ARHGAP30: variants seen among roughly 807,000 people sequenced by gnomAD.
ARHGAP30 encodes the protein rho GTPase-activating protein 30.
A neutral mutation model predicts 72.0 loss-of-function variants in ARHGAP30; 23 were observed. The ratio of observed to expected loss-of-function variants is 0.32; its 90% CI spans 0.23 to 0.45. The LOEUF (loss-of-function observed/expected upper bound fraction) is 0.45, where lower values mean the gene tolerates loss of function less well. Among genes scored for constraint, ARHGAP30 ranks in the 20% least tolerant of loss-of-function variants. The probability of loss-of-function intolerance (pLI) is 1.00; values close to 1 mark genes in which losing one functional copy is unlikely to be tolerated. For missense variants in ARHGAP30, 1,319 were observed against 1,383.4 expected (o/e 0.95, Z 0.74); for synonymous variants, 576 against 528.2 (o/e 1.09, Z -1.24).
Position 161,049,638 on chromosome 1 carries a change from G to A in ARHGAP30, c.1472C>T (p.Pro491Leu). The change falls in exon 11 of 12, where the codon CCA becomes CTA. Residue 491 changes from proline to leucine, a missense_variant. Pro to Leu is a moderately conservative substitution (Grantham distance 98). Transcript: ENST00000368013. ...CTCCAGGGCAGGAGCCAAGTCGTCTGGGCCTGAGTCTGCCAGGGGACTTGA... is the reference window on the plus strand; with the variant it reads ...CTCCAGGGCAGGAGCCAAGTCGTCTAGGCCTGAGTCTGCCAGGGGACTTGA... ...PASSPLADSG[P>L]DDLAPALEDS... The A allele has an allele frequency of 6.2e-7, 1 of 1,614,034 alleles. No homozygotes were observed. Among genetic ancestry groups the A allele is most frequent in the South Asian group, 1.1e-5 (1 of 91,086 alleles).
intron 1 of ARHGAP30, among the ~76,000 whole-genome samples, chr1:161,063,557 A>T (rs1652474623): frequency 6.6e-6 from 1 of 152,252 alleles, no homozygotes; most frequent in Non-Finnish European, 1.5e-5. Flanking sequence ...TTAACTACAC[A>T]AATTGTACAG....
chr1:161,059,677 T>C lies in ARHGAP30; in HGVS notation c.137A>G (p.Glu46Gly), dbSNP rs1557930530. 6.2e-7 allele frequency: 1 copy of C among 1,613,630 alleles called. No homozygotes were observed. Among genetic ancestry groups the C allele is most frequent in the East Asian group, 2.2e-5 (1 of 44,874 alleles). The change falls in exon 2 of 12, where the codon GAG (glutamate) becomes GGG (glycine). Residue 46 changes from glutamate (E) to glycine (G), a missense_variant. Glu to Gly is a moderately conservative substitution (Grantham distance 98). Around this residue, in one of 2 missense-constraint regions of ARHGAP30, gnomAD observed 222 missense variants for 338.2 expected, o/e 0.66. Transcript: ENST00000368013. ...GTAGATCCCATCCACCACTCCATAC[T>C]CCTCCACAAATTCTGCACAGCTCTT... The part of the protein sequence containing the change: ...VLKSCAEFVE[E>G]YGVVDGIYRL...
chr1:161,051,668 G>A lies in ARHGAP30; in HGVS notation c.1066C>T (p.Leu356=). 1 of 1,612,718 alleles carries A rather than the reference G, an allele frequency of 6.2e-7. No homozygotes were observed. Among genetic ancestry groups the A allele is most frequent in the Non-Finnish European group, 8.5e-7 (1 of 1,179,942 alleles). Residue 356 remains leucine (L), a synonymous_variant, in exon 10 of 12, where the codon CTG becomes TTG. Coordinates refer to ENST00000368013, the MANE Select transcript of ARHGAP30 (RefSeq NM_001025598.2). ...GPSSPRPSPL[L]PESLENDSIE... is the part of the protein sequence containing the mutation. The stretch of plus-strand genomic sequence containing the variant: ...GAATCGTTCTCCAAGCTCTCAGGCA[G>A]CAATGGGCTTGGCCGGGGGCTGCTG...
Position 161,060,468 on chromosome 1 carries a change from A to T in ARHGAP30, c.98-752T>A, listed in dbSNP as rs559105419. Among the ~76,000 whole-genome samples, 13 of 151,906 alleles carry T rather than the reference A, an allele frequency of 8.6e-5. No individual in the cohort carries two copies. The East Asian group carries it at 2.2e-3, about 25-fold the overall frequency. ...AAAAACTACCTGGGCATGGTGGCAC[A>T]TGCCTGTAATCCCAGCTACTTGGGA... On this transcript the variant is annotated intron_variant, in intron 1 of 11. Transcript: ENST00000368013.
rs780863777 is a variant in ARHGAP30, at chr1:161,056,591, G to T, written c.201-59C>A. On this transcript the variant is annotated intron_variant, in intron 2 of 11. Coordinates refer to ENST00000368013, the MANE Select transcript of ARHGAP30 (RefSeq NM_001025598.2). ...GGTTGGGGTGATGTGGGGAGAGGTGGGTCCCTATAGAGATGGGTCCCGGCA... is the reference window on the plus strand; with the variant it reads ...GGTTGGGGTGATGTGGGGAGAGGTGTGTCCCTATAGAGATGGGTCCCGGCA... 2.1e-5 allele frequency: 33 copies of T among 1,565,018 alleles called. No individual in the cohort carries two copies. The Middle Eastern group carries it at 5.8e-4, about 27-fold the overall frequency.
chr1:161,054,389 G>T lies in ARHGAP30; in HGVS notation c.513C>A (p.Ile171=). The T allele has an allele frequency of 6.2e-7, 1 of 1,613,920 alleles. No homozygotes were observed. The highest frequency in any genetic ancestry group is 1.6e-4 in the Middle Eastern group (1 of 6,062). The part of the protein sequence containing the change: ...QTNMHARNLA[I]VWAPNLLRSK... ...ACCTCAGCAGGTTGGGAGCCCACAC[G>T]ATGGCCAGGTTGCGAGCATGCATGT... Residue 171 remains isoleucine (I), a synonymous_variant, in exon 5 of 12, where the codon ATC becomes ATA. Transcript: ENST00000368013.
chr1:161,055,895 TAAA>T (rs370603133), intron 3 of ARHGAP30, among the ~76,000 whole-genome samples: 11 of 37,214 alleles, frequency 3.0e-4, no homozygotes, highest in African/African-American at 1.3e-3. Flanking sequence ...ATAAATAAAA[TAAA>T]ATAAAATAAA....
In ARHGAP30 at chr1:161,056,587, G is replaced by A; in HGVS notation, c.201-55C>T. On this transcript the variant is annotated intron_variant, in intron 2 of 11. Coordinates refer to ENST00000368013, the MANE Select transcript of ARHGAP30 (RefSeq NM_001025598.2). ...TAGGGGTTGGGGTGATGTGGGGAGA[G>A]GTGGGTCCCTATAGAGATGGGTCCC... The A allele has an allele frequency of 4.4e-6, 7 of 1,579,218 alleles. No homozygotes were observed. The South Asian group carries it at 6.8e-5, about 15-fold the overall frequency.
Position 161,054,573 on chromosome 1 carries a change from G to A in ARHGAP30, c.428+50C>T, listed in dbSNP as rs759233521. 1.3e-5 allele frequency: 21 copies of A among 1,605,106 alleles called. No individual in the cohort carries two copies. In the Admixed American group the frequency reaches 2.2e-4, roughly 17 times the overall value. ...GGACCCAGTTAAGGCTCCAGGCAGC[G>A]AGTGAATGAGTTGTCTCAGGTTGCT... On this transcript the variant is annotated intron_variant, in intron 4 of 11. Transcript: ENST00000368013.
chr1:161,062,213 C>A (rs1331844137), intron 1 of ARHGAP30, among the ~76,000 whole-genome samples: 1 of 152,166 alleles, frequency 6.6e-6, no homozygotes, highest in Non-Finnish European at 1.5e-5. Context: ...CTCTGCCCCA[C>A]TTTAATCCCC....
rs751396033 is a variant in ARHGAP30, at chr1:161,062,509, A to C, written c.98-2793T>G. On this transcript the variant is annotated intron_variant, in intron 1 of 11. Coordinates refer to ENST00000368013, the MANE Select transcript of ARHGAP30 (RefSeq NM_001025598.2). ...TTTGGTAGGCCGAGGTGGGCAGATC[A>C]CTTGAGGTTTAGAGTTTGAGACCAG... is the stretch of plus-strand genomic sequence containing the variant. Among the ~76,000 whole-genome samples, 2 of 152,144 alleles carry C rather than the reference A, an allele frequency of 1.3e-5. 1 individual carries two copies. The highest frequency in any genetic ancestry group is 3.9e-4 in the East Asian group (2 of 5,136).
intron 2 of ARHGAP30, among the ~76,000 whole-genome samples, chr1:161,059,146 A>T (rs993325477): frequency 6.6e-6 from 1 of 151,786 alleles, no homozygotes; most frequent in African/African-American, 2.4e-5. Flanking sequence ...CTCCTGCCTC[A>T]GCCTCCCAAG....
At chr1:161,054,762 C>T in intron 3 of ARHGAP30, 57 bp from the exon 4 acceptor site, 1 of 1,482,060 alleles carries the variant, frequency 6.7e-7, no homozygotes, top group Non-Finnish European at 9.4e-7. Flanking sequence ...CCCCTGCTTA[C>T]TCCCCAGAGC....
chr1:161,054,363 T>C lies in ARHGAP30; in HGVS notation c.536+3A>G. 1.2e-6 allele frequency: 2 copies of C among 1,612,968 alleles called. No homozygotes were observed. Among genetic ancestry groups the C allele is most frequent in the Non-Finnish European group, 1.7e-6 (2 of 1,179,414 alleles). ...CCCATACACTGCTCACACAGGCACCTACCTCAGCAGGTTGGGAGCCCACAC... is the reference window on the plus strand; with the variant it reads ...CCCATACACTGCTCACACAGGCACCCACCTCAGCAGGTTGGGAGCCCACAC... On this transcript the variant is annotated splice_donor_region_variant and intron_variant, in intron 5 of 11. Coordinates refer to ENST00000368013, the MANE Select transcript of ARHGAP30 (RefSeq NM_001025598.2).
At chr1:161,053,167 G>A (rs1651544888) in intron 6 of ARHGAP30, 91 bp downstream of exon 6, 3 of 1,553,604 alleles carry the variant, frequency 1.9e-6, no homozygotes, top group Non-Finnish European at 2.6e-6. Context: ...CCCTGTATGA[G>A]ACTCAGCTGA....
chr1:161,049,277 A>G lies in ARHGAP30; in HGVS notation c.1744T>C (p.Phe582Leu), dbSNP rs1651167532. 6.2e-7 allele frequency: 1 copy of G among 1,613,994 alleles called. No individual in the cohort carries two copies. The highest frequency in any genetic ancestry group is 1.3e-5 in the African/African-American group (1 of 74,978). The change falls in exon 12 of 12, where the codon TTT (phenylalanine) becomes CTT (leucine). Residue 582 changes from phenylalanine to leucine, a missense_variant. This residue lies in a region of ARHGAP30 where 1,097 missense variants were observed against 1,045.2 expected (regional missense o/e 1.05). Coordinates refer to ENST00000368013, the MANE Select transcript of ARHGAP30 (RefSeq NM_001025598.2). ...GAACAGCAGCTGGGGGCCAAGACAA[A>G]CTGTGCCTCATCCAGAGACAGGTCA... is the stretch of plus-strand genomic sequence containing the variant. ...LDDLSLDEAQFVLAPSCCSLD... is the reference protein window; with the variant it reads ...LDDLSLDEAQLVLAPSCCSLD...
rs1194874212 is a variant in ARHGAP30, at chr1:161,049,513, G to C, written c.1597C>G (p.Gln533Glu). The change falls in exon 11 of 12, where the codon CAG becomes GAG. Residue 533 changes from glutamine to glutamate, a missense_variant. Coordinates refer to ENST00000368013, the MANE Select transcript of ARHGAP30 (RefSeq NM_001025598.2). ...AAGGCTGCTCCTGCTGCTTCTGCCT[G>C]GGCCACCTCCCCATCCTCTGCCCCC... Reference protein sequence around the residue: ...WVGAEDGEVAQAEAAGAAFSP... With the variant: ...WVGAEDGEVAEAEAAGAAFSP... 13 of 1,614,066 alleles carry C rather than the reference G, an allele frequency of 8.1e-6. No homozygotes were observed. The highest frequency in any genetic ancestry group is 1.1e-5 in the Non-Finnish European group (13 of 1,180,012).
At position 161,048,584 on chromosome 1, in the gene ARHGAP30, C is replaced by T. The variant is rs751342626; in HGVS notation, c.2437G>A (p.Asp813Asn). ...REKGYHEARKDQGDGEDSRSP... is the reference protein window; with the variant it reads ...REKGYHEARKNQGDGEDSRSP... ...CTGCTGTCTTCACCATCTCCTTGGTCTTTTCTTGCTTCATGGTACCCCTTC... is the reference window on the plus strand; with the variant it reads ...CTGCTGTCTTCACCATCTCCTTGGTTTTTTCTTGCTTCATGGTACCCCTTC... The change falls in exon 12 of 12, where the codon GAC becomes AAC. Residue 813 changes from aspartate (D) to asparagine (N), a missense_variant. Asp to Asn is a conservative substitution (Grantham distance 23, BLOSUM62 1). Transcript: ENST00000368013. The T allele has an allele frequency of 7.1e-5, 115 of 1,614,040 alleles. No homozygotes were observed. Among genetic ancestry groups the T allele is most frequent in the Non-Finnish European group, 9.6e-5 (113 of 1,180,042 alleles).
chr1:161,064,831 GAGAAAGAA>G (rs10603448), intron 1 of ARHGAP30, among the ~76,000 whole-genome samples: 6 of 73,832 alleles, frequency 8.1e-5, no homozygotes, highest in Admixed American at 1.4e-4. Flanking sequence ...AAGAAAGAAA[GAGAAAGAA>G]AGAAAGAAAG....
Sources: gnomAD v4.1 joint callset for allele counts (sites outside exome capture counted in the v4.1 genomes callset) on GRCh38, gnomAD v4.1.1 for gene constraint, gnomAD v4.1.1 regional missense constraint, MANE v1.5 for transcripts, NCBI Gene and HGNC (gene_info 2026-07-23, HGNC 2026-07-21) for gene names.